Variants in NAV3 observed in about 807,000 individuals in gnomAD.
NAV3 encodes neuron navigator 3, also known as pore membrane and/or filament interacting like protein 1.
In NAV3, 87 loss-of-function variants were observed where a neutral mutation model predicts 244.7. That is an observed-to-expected ratio of 0.36 (90% confidence interval 0.30 to 0.42). The LOEUF is 0.42. Ranked by LOEUF, NAV3 falls within the 20% of genes least tolerant of loss-of-function variation. The pLI is 1.00. For missense variants in NAV3, 2,663 were observed against 2,893.3 expected, an observed-to-expected ratio of 0.92 and a Z score of 1.83; for synonymous variants, 1,126 against 1,042.2, an observed-to-expected ratio of 1.08 and a Z score of -1.55.
At chr12:78,052,366 G>A (rs1882883587) in intron 11 of NAV3, 1 of 152,174 alleles carries the variant, frequency 6.6e-6, no homozygotes, top group African/African-American at 2.4e-5. Flanking sequence ...AATTAAGATA[G>A]GTTGTTGTTC....
chr12:78,140,893 T>C (rs1422146626), intron 20 of NAV3, among the ~76,000 whole-genome samples: 1 of 151,076 alleles, frequency 6.6e-6, no homozygotes. Flanking sequence ...ATTTTATTTA[T>C]TTATTTATTT....
Position 77,904,431 on chromosome 12 carries a change from G to T in NAV3, c.244-35888G>T, listed in dbSNP as rs551209617. Among the ~76,000 whole-genome samples, 180 of 152,214 alleles carry T rather than the reference G, an allele frequency of 1.2e-3. 1 individual carries two copies. Among genetic ancestry groups the T allele is most frequent in the South Asian group, 6.8e-3 (33 of 4,826 alleles). On this transcript the variant is annotated intron_variant, in intron 1 of 39. Coordinates refer to ENST00000397909, the MANE Select transcript of NAV3 (RefSeq NM_001024383.2). ...ACACCGCATGTTCTCACTCATAGTT[G>T]GGAATTGAACAATGAGAACACATGG...
At chr12:78,179,315 G>T (rs1232911938) in intron 28 of NAV3, 20 of 456,254 alleles carry the variant, frequency 4.4e-5, no homozygotes, top group Non-Finnish European at 6.5e-5. Flanking sequence ...TTAAAAAATA[G>T]AAAAAAAGAT....
chr12:78,009,017 G>T (rs978977877), intron 8 of NAV3, among the ~76,000 whole-genome samples: 3 of 152,164 alleles, frequency 2.0e-5, no homozygotes, highest in African/African-American at 7.2e-5. Context: ...AAAATCACAA[G>T]TGAATTTCAT....
chr12:77,855,183 G>T (rs985073581), intron 1 of NAV3, among the ~76,000 whole-genome samples: 22 of 152,044 alleles, frequency 1.4e-4, no homozygotes, highest in African/African-American at 5.3e-4. Context: ...GTGTCCTAAA[G>T]AATTCAGGTG....
At chr12:78,174,546 C>T (rs991078853) in intron 24 of NAV3, among the ~76,000 whole-genome samples, 39 of 151,706 alleles carry the variant, frequency 2.6e-4, no homozygotes, top group Non-Finnish European at 3.5e-4. Flanking sequence ...TTAGGTACTC[C>T]GGGGGCATAT....
intron 2 of NAV3, among the ~76,000 whole-genome samples, chr12:77,741,146 G>GATAAAAAAAAAAAAAA (rs1393220189): frequency 1.4e-4 from 1 of 7,372 alleles, no homozygotes; most frequent in South Asian, 5.2e-3. Flanking sequence ...AAAAAAAAAA[G>GATAAAAAAAAAAAAAA]ACAAAAAAAA....
chr12:78,021,498 T>C (rs1437001483), intron 8 of NAV3, among the ~76,000 whole-genome samples: 2 of 152,172 alleles, frequency 1.3e-5, no homozygotes. Flanking sequence ...TAATCAACTA[T>C]TGGTAGTTAT....
intron 1 of NAV3, among the ~76,000 whole-genome samples, chr12:77,929,556 C>T (rs1018241723): frequency 7.2e-5 from 11 of 152,088 alleles, no homozygotes; most frequent in Non-Finnish European, 5.9e-5. Context: ...TTTCTATATC[C>T]CCACACCTTT....
intron 1 of NAV3, among the ~76,000 whole-genome samples, chr12:77,891,595 C>A (rs1252198292): frequency 2.0e-5 from 3 of 151,980 alleles, no homozygotes; most frequent in Non-Finnish European, 2.9e-5. Flanking sequence ...TGTTTTTGAA[C>A]AGCAACAACC....
At position 78,146,376 on chromosome 12, in the gene NAV3, A is replaced by C. The variant is rs2139186779; in HGVS notation, c.4691A>C (p.Glu1564Ala). 9.1e-7 allele frequency: 1 copy of C among 1,096,414 alleles called. No homozygotes were observed. The highest frequency in any genetic ancestry group is 1.3e-6 in the Non-Finnish European group (1 of 796,722). 67.9% of individuals were successfully genotyped at this position (1,096,414 alleles called of 1,614,324 possible). A position where few individuals can be genotyped will look rare whatever the true frequency, so the allele number is the denominator to read the frequency against. Residue 1564 changes from glutamate to alanine, a missense_variant, in exon 21 of 40, where the codon GAA (glutamate) becomes GCA (alanine). Physicochemically the swap from Glu to Ala is moderately radical, Grantham distance 107 (BLOSUM62 -1). Transcript: ENST00000397909. ...STSSLYSTAE[E>A]KAHSEQIHKL... ...CTTTTTATTGTTTTACAGGCTGAAG[A>C]AAAGGCTCATTCAGAGGTAAAAAAA...
chr12:78,198,945 A>G (rs2140003071), intron 36 of NAV3: 1 of 449,754 alleles, frequency 2.2e-6, no homozygotes, highest in Non-Finnish European at 4.0e-6. Context: ...GAAAGAAAAA[A>G]GAAAAGTAAA....
rs1479580075 is a variant in NAV3, at chr12:77,699,294, C to T, written c.72+127028C>T. On this transcript the variant is annotated intron_variant, in intron 2 of 8. Transcript: ENST00000550042. ...AGACGTTTGTGCGTTATTCTCAATG[C>T]CCTGGTTCTCACAAGTGCCTATTCC... Among the ~76,000 whole-genome samples, 3 of 152,050 alleles carry T rather than the reference C, an allele frequency of 2.0e-5. No individual in the cohort carries two copies. In the East Asian group the frequency reaches 5.8e-4, roughly 29 times the overall value.
At chr12:78,159,406 G>GA (rs1565738601) in intron 23 of NAV3, 120 bp downstream of exon 23, 3 of 876,032 alleles carry the variant, frequency 3.4e-6, no homozygotes. Flanking sequence ...GCTCATGCCT[G>GA]TAATCTCACC....
chr12:78,064,432 TGCCTGC>T (rs1566082282), intron 12 of NAV3, among the ~76,000 whole-genome samples: 21 of 150,878 alleles, frequency 1.4e-4, no homozygotes, highest in East Asian at 5.9e-4. Context: ...TCTGTCTGCC[TGCCTGC>T]CTGCCTGCCT....
rs1337976730 is a variant in NAV3, at chr12:78,018,562, C to T, written c.1908-3185C>T. Reference sequence around the variant, plus strand: ...CTGTGACAGCTGTTGGTCTTGTTCTCATAGGAACCAATTAGCGGTGGGCTT... The same window carrying T: ...CTGTGACAGCTGTTGGTCTTGTTCTTATAGGAACCAATTAGCGGTGGGCTT... On this transcript the variant is annotated intron_variant, in intron 8 of 39. Coordinates refer to ENST00000397909, the MANE Select transcript of NAV3 (RefSeq NM_001024383.2). 2.0e-5 allele frequency among the ~76,000 whole-genome samples: 3 copies of T among 152,194 alleles called. No individual in the cohort carries two copies. In the East Asian group the frequency reaches 5.8e-4, roughly 29 times the overall value.
chr12:77,854,776 T>C (rs1370501383), intron 1 of NAV3, among the ~76,000 whole-genome samples: 1 of 152,198 alleles, frequency 6.6e-6, no homozygotes, highest in African/African-American at 2.4e-5. Context: ...AATGAGATCA[T>C]ATACCGTCTA....
intron 36 of NAV3, 63 bp from the exon 37 acceptor site, chr12:78,199,269 TAAA>T: frequency 8.7e-7 from 1 of 1,150,798 alleles, no homozygotes; most frequent in Non-Finnish European, 1.3e-6. Flanking sequence ...ATAATAATGA[TAAA>T]GAATCACTGT....
chr12:77,804,307 T>C (rs1454016096), intron 2 of NAV3, among the ~76,000 whole-genome samples: 2 of 152,212 alleles, frequency 1.3e-5, no homozygotes. Flanking sequence ...CTTTAATCCA[T>C]CTTGAGTTAA....
Sources: gnomAD v4.1 joint callset for allele counts (sites outside exome capture counted in the v4.1 genomes callset) on GRCh38, gnomAD v4.1.1 for gene constraint, MANE v1.5 for transcripts, NCBI Gene and HGNC (gene_info 2026-07-23, HGNC 2026-07-21) for gene names.